The following ZNF625 variants were observed in gnomAD, a reference collection of about 807,000 sequenced individuals.
ZNF625 encodes zinc finger protein 625.
A neutral mutation model predicts 11.1 loss-of-function variants in ZNF625; 8 were observed. The ratio of observed to expected loss-of-function variants is 0.72; its 90% CI spans 0.42 to 1.30. The LOEUF is 1.30. Among genes scored for constraint, ZNF625 ranks in the 50% most tolerant of loss-of-function variants. The pLI is 0.01. For synonymous variants in ZNF625, 145 were observed against 153.4 expected, an observed-to-expected ratio of 0.95 and a Z score of 0.41; for missense variants, 349 against 447.6, an observed-to-expected ratio of 0.78 and a Z score of 1.99.
At position 12,145,979 on chromosome 19, in the gene ZNF625, T is replaced by C; in HGVS notation, c.437A>G (p.Asp146Gly). 6.2e-7 allele frequency: 1 copy of C among 1,614,178 alleles called. No homozygotes were observed. Among genetic ancestry groups the C allele is most frequent in the Non-Finnish European group, 8.5e-7 (1 of 1,180,030 alleles). Residue 146 changes from aspartate to glycine, a missense_variant, in exon 4 of 4, where the codon GAT becomes GGT. By Grantham distance (94) the Asp-to-Gly change is moderately conservative. Transcript: ENST00000439556. ...KCTYCKKAFS[D>G]LPYFRTHEWA... ...TTCATGTGTTCGAAAGTAGGGGAGA[T>C]CACTGAAGGCTTTCTTACAGTATGT...
At chr19:12,148,199 C>G (rs1352210234) in intron 1 of ZNF625, among the ~76,000 whole-genome samples, 1 of 152,112 alleles carries the variant, frequency 6.6e-6, no homozygotes, top group Non-Finnish European at 1.5e-5. Flanking sequence ...AGACTGGTCT[C>G]CAACTCCTGA....
At chr19:12,154,440 A>G (rs1977000298) in intron 1 of ZNF625, among the ~76,000 whole-genome samples, 2 of 152,140 alleles carry the variant, frequency 1.3e-5, no homozygotes, top group African/African-American at 4.8e-5. Context: ...GTCTCAAGCA[A>G]TCATCCTGCC....
At chr19:12,146,723 C>T (rs150416681) in intron 3 of ZNF625, among the ~76,000 whole-genome samples, 35 of 152,296 alleles carry the variant, frequency 2.3e-4, no homozygotes, top group African/African-American at 7.9e-4. Context: ...TACACCTGGG[C>T]GCCCGGCCAA....
intron 1 of ZNF625, 114 bp from the exon 2 acceptor site, chr19:12,147,916 G>T (rs1408304540): frequency 4.5e-6 from 6 of 1,325,390 alleles, no homozygotes; most frequent in South Asian, 1.7e-5. Flanking sequence ...TTTATTCCAT[G>T]ATCTGGTCAT....
In ZNF625 at chr19:12,146,030, T is replaced by C; in HGVS notation, c.386A>G (p.Glu129Gly). 6.2e-7 allele frequency: 1 copy of C among 1,614,224 alleles called. No homozygotes were observed. The highest frequency in any genetic ancestry group is 8.5e-7 in the Non-Finnish European group (1 of 1,180,042). Residue 129 changes from glutamate (E) to glycine (G), a missense_variant, in exon 4 of 4, where the codon GAA (glutamate) becomes GGA (glycine). Transcript: ENST00000439556. Reference protein sequence around the residue: ...DTGHKPYEYQEYGQKPYKCTY... With the variant: ...DTGHKPYEYQGYGQKPYKCTY... ...ACATTTATATGGCTTCTGTCCATATTCCTGATACTCATATGGCTTGTGTCC... is the reference window on the plus strand; with the variant it reads ...ACATTTATATGGCTTCTGTCCATATCCCTGATACTCATATGGCTTGTGTCC...
chr19:12,154,145 AAC>A (rs1419220390), intron 1 of ZNF625, among the ~76,000 whole-genome samples: 2 of 152,160 alleles, frequency 1.3e-5, no homozygotes, highest in African/African-American at 4.8e-5. Context: ...AAAATGCCTG[AAC>A]AGAGCCAGGA....
At chr19:12,150,132 A>G (rs1000247500) in intron 1 of ZNF625, among the ~76,000 whole-genome samples, 3 of 152,238 alleles carry the variant, frequency 2.0e-5, no homozygotes, top group African/African-American at 7.2e-5. Flanking sequence ...AAAGTTTCCA[A>G]TGCAGCCATT....
rs1658488692 is a variant in ZNF625, at chr19:12,156,719, G to A, written c.-161C>T. 1.6e-6 allele frequency: 1 copy of A among 628,444 alleles called. No homozygotes were observed. The highest frequency in any genetic ancestry group is 2.3e-6 in the Non-Finnish European group (1 of 434,660). 38.9% of individuals were successfully genotyped at this position (628,444 alleles called of 1,614,324 possible). ...CCTCCCTTTGGTGCAAGACGCCTGG[G>A]AGTCAGGAAAGCGGGAATGCGGCCT... On this transcript the variant is annotated 5_prime_UTR_variant, in exon 1 of 4. Transcript: ENST00000439556.
At chr19:12,153,414 A>G (rs7254290) in intron 1 of ZNF625, among the ~76,000 whole-genome samples, 28,640 of 151,174 alleles carry the variant, frequency 0.19, 3,387 homozygotes, top group African/African-American at 0.33. Flanking sequence ...GGCTGGGTGC[A>G]GTAGTTCATG....
chr19:12,153,546 T>G (rs1044246571), intron 1 of ZNF625, among the ~76,000 whole-genome samples: 2 of 151,096 alleles, frequency 1.3e-5, no homozygotes, highest in African/African-American at 4.9e-5. Flanking sequence ...TTGCCGGGTA[T>G]GGTGGCGCAG....
At chr19:12,153,809 T>TC (rs1976991492) in intron 1 of ZNF625, among the ~76,000 whole-genome samples, 2 of 143,044 alleles carry the variant, frequency 1.4e-5, no homozygotes, top group South Asian at 4.6e-4. Context: ...ATATTTCTTT[T>TC]TTTTTTTTTT....
Position 12,147,971 on chromosome 19 carries a change from C to CT in ZNF625, c.4-170dup, listed in dbSNP as rs940152397. On this transcript the variant is annotated intron_variant, in intron 1 of 3. Transcript: ENST00000439556. Reference sequence around the variant, plus strand: ...ACACTCACTCTTCCATAAAGAAATTCTTTTTTTTTAATTATTATTATTTTT... The same window carrying CT: ...ACACTCACTCTTCCATAAAGAAATTCTTTTTTTTTTAATTATTATTATTTTT... Among the ~76,000 whole-genome samples the CT allele has an allele frequency of 1.7e-3, 262 of 151,504 alleles. 1 individual carries two copies. The highest frequency in any genetic ancestry group is 3.8e-3 in the African/African-American group (155 of 41,254).
intron 1 of ZNF625, 44 bp from the exon 2 acceptor site, chr19:12,147,846 A>C (rs780133359): frequency 6.2e-7 from 1 of 1,608,682 alleles, no homozygotes; most frequent in Admixed American, 1.7e-5. Flanking sequence ...TGAGACTGAC[A>C]GCACTGGGTT....
At chr19:12,151,204 C>CTTTTTTTTTT (rs573002649) in intron 1 of ZNF625, among the ~76,000 whole-genome samples, 6 of 133,968 alleles carry the variant, frequency 4.5e-5, no homozygotes, top group Non-Finnish European at 6.5e-5. Flanking sequence ...TCTTGTATTT[C>CTTTTTTTTTT]TTTTTTTTTT....
chr19:12,147,714 T>A lies in ZNF625; in HGVS notation c.92A>T (p.Asp31Val). The A allele has an allele frequency of 1.2e-6, 2 of 1,614,104 alleles. No homozygotes were observed. Among genetic ancestry groups the A allele is most frequent in the Non-Finnish European group, 1.7e-6 (2 of 1,180,006 alleles). Residue 31 changes from aspartate to valine, a missense_variant, in exon 2 of 4, where the codon GAT becomes GTT. Coordinates refer to ENST00000439556, the MANE Select transcript of ZNF625 (RefSeq NM_145233.4). Reference sequence around the variant, plus strand: ...GTTCCTGAAGGTTTCCTGCATCACATCTCTGTAGAGATTCTTCTGGGAAGG... The same window carrying A: ...GTTCCTGAAGGTTTCCTGCATCACAACTCTGTAGAGATTCTTCTGGGAAGG... ...LDPSQKNLYR[D>V]VMQETFRNLA...
chr19:12,147,388 G>A lies in ZNF625; in HGVS notation c.191+7C>T, dbSNP rs1976891928. On this transcript the variant is annotated splice_region_variant and intron_variant, in intron 3 of 3. Transcript: ENST00000439556. ...AGACATCACTTTCTCTTGTGAATGC[G>A]AATTACCTTAGGTTTCTCCTGGGAT... 5.2e-6 allele frequency: 8 copies of A among 1,525,988 alleles called. No individual in the cohort carries two copies. The highest frequency in any genetic ancestry group is 2.1e-5 in the Admixed American group (1 of 47,862). The allele number at this position is 1,525,988 out of a possible 1,614,324, so 94.5% of individuals were successfully genotyped here.
chr19:12,149,492 A>G (rs1284835905), intron 1 of ZNF625, among the ~76,000 whole-genome samples: 1 of 152,194 alleles, frequency 6.6e-6, no homozygotes, highest in East Asian at 1.9e-4. Flanking sequence ...GGTAGTCACC[A>G]AAAGAAAAAT....
chr19:12,154,625 T>C (rs183530469), intron 1 of ZNF625, among the ~76,000 whole-genome samples: 1 of 152,348 alleles, frequency 6.6e-6, no homozygotes, highest in Admixed American at 6.5e-5. Context: ...ATTTCAATCA[T>C]TTAAGGTAGA....
At chr19:12,148,623 AT>A (rs57893180) in intron 1 of ZNF625, among the ~76,000 whole-genome samples, 3,367 of 138,196 alleles carry the variant, frequency 0.024, 85 homozygotes, top group African/African-American at 0.075. Flanking sequence ...TATAACTACC[AT>A]TTTTTTTTTT....
Sources: allele counts gnomAD v4.1 joint callset (sites outside exome capture counted in the v4.1 genomes callset), GRCh38; gene constraint gnomAD v4.1.1; transcripts MANE v1.5; gene names NCBI Gene and HGNC (gene_info 2026-07-23, HGNC 2026-07-21).